ADAM10: variants seen among roughly 807,000 people sequenced by gnomAD.
The protein encoded by ADAM10 is ADAM metallopeptidase domain 10.
A neutral mutation model predicts 90.1 loss-of-function variants in ADAM10; 17 were observed. The ratio of observed to expected loss-of-function variants is 0.19; its 90% CI spans 0.13 to 0.28. The LOEUF (loss-of-function observed/expected upper bound fraction) is 0.28, where lower values mean the gene tolerates loss of function less well. Among genes scored for constraint, ADAM10 ranks in the 10% least tolerant of loss-of-function variants. The probability of loss-of-function intolerance (pLI) is 1.00; values close to 1 mark genes in which losing one functional copy is unlikely to be tolerated. For synonymous variants in ADAM10, 310 were observed against 298.6 expected, an observed-to-expected ratio of 1.04 and a Z score of -0.40; for missense variants, 610 against 914.3, an observed-to-expected ratio of 0.67 and a Z score of 4.29.
In ADAM10 at chr15:58,589,885, AAGG is replaced by A. The variant is rs1415773255; in HGVS notation, c.*7659_*7661del. ...TCCCAGATTGTTGGGCCAATATCCT[AAGG>A]AGAATAACCAAGTATGACACCTGCC... On this transcript the variant is annotated 3_prime_UTR_variant, in exon 16 of 16. Transcript: ENST00000260408. 6.6e-6 allele frequency: 1 copy of A among 152,140 alleles called. No homozygotes were observed. Among genetic ancestry groups the A allele is most frequent in the East Asian group, 1.9e-4 (1 of 5,194 alleles). 9.4% of individuals were successfully genotyped at this position (152,140 alleles called of 1,614,324 possible).
At chr15:58,725,253 A>T (rs1415992443) in intron 1 of ADAM10, among the ~76,000 whole-genome samples, 1 of 151,588 alleles carries the variant, frequency 6.6e-6, no homozygotes, top group Non-Finnish European at 1.5e-5. Context: ...AAAGAAAATT[A>T]GGCATGGTAG....
At chr15:58,634,300 TAAA>T (rs61691654) in intron 8 of ADAM10, among the ~76,000 whole-genome samples, 3 of 135,842 alleles carry the variant, frequency 2.2e-5, no homozygotes, top group Non-Finnish European at 1.6e-5. Flanking sequence ...ACACTCTGTC[TAAA>T]AAAAAAAAAA....
intron 15 of ADAM10, among the ~76,000 whole-genome samples, chr15:58,598,761 T>G (rs184171102): frequency 2.0e-5 from 3 of 152,180 alleles, no homozygotes; most frequent in Admixed American, 6.5e-5. Context: ...ATACGAAGGG[T>G]TTATTTCCTG....
rs1466181993 is a variant in ADAM10, at chr15:58,665,105, C to T, written c.577G>A (p.Val193Ile). Residue 193 changes from valine to isoleucine, a missense_variant, in exon 5 of 16, where the codon GTA becomes ATA. By Grantham distance (29) the Val-to-Ile change is conservative (BLOSUM62 3). Around this residue, in one of 4 missense-constraint regions of ADAM10, gnomAD observed 310 missense variants for 362.4 expected, o/e 0.86. Transcript: ENST00000260408. ...RKYQMTGVEEVTQIPQEEHAA... is the reference protein window; with the variant it reads ...RKYQMTGVEEITQIPQEEHAA... ...AGTGTTAAAATCCTTACCTGTGTTA[C>T]TTCCTCTACACCAGTCATCTGGTAT... is the stretch of plus-strand genomic sequence containing the variant. The T allele has an allele frequency of 1.9e-6, 3 of 1,609,750 alleles. No homozygotes were observed. Among genetic ancestry groups the T allele is most frequent in the South Asian group, 1.1e-5 (1 of 90,988 alleles).
chr15:58,589,094 T>G lies in ADAM10; in HGVS notation c.*8453A>C, dbSNP rs1894773472. 1.3e-5 allele frequency: 2 copies of G among 152,240 alleles called. No individual in the cohort carries two copies. Among genetic ancestry groups the G allele is most frequent in the South Asian group, 4.1e-4 (2 of 4,838 alleles). 9.4% of individuals were successfully genotyped at this position (152,240 alleles called of 1,614,324 possible). A position where few individuals can be genotyped will look rare whatever the true frequency, so the allele number is the denominator to read the frequency against. On this transcript the variant is annotated 3_prime_UTR_variant, in exon 16 of 16. Transcript: ENST00000260408. ...TGTGTTGTAATGAAACTAACTTTTGTGCCTATCTTGTGAAATCAGCTTCAT... is the reference window on the plus strand; with the variant it reads ...TGTGTTGTAATGAAACTAACTTTTGGGCCTATCTTGTGAAATCAGCTTCAT...
chr15:58,656,649 A>G (rs2140715458), intron 5 of ADAM10, among the ~76,000 whole-genome samples: 1 of 152,204 alleles, frequency 6.6e-6, no homozygotes, highest in East Asian at 1.9e-4. Context: ...GTTTCTATTC[A>G]TGCCTTATTG....
At chr15:58,674,269 C>T (rs1289429682) in intron 4 of ADAM10, among the ~76,000 whole-genome samples, 5 of 152,178 alleles carry the variant, frequency 3.3e-5, no homozygotes, top group African/African-American at 1.2e-4. Flanking sequence ...AATACTATCA[C>T]TGTGCTTAAA....
chr15:58,640,692 C>A, intron 8 of ADAM10, 85 bp downstream of exon 8: 1 of 1,305,898 alleles, frequency 7.7e-7, no homozygotes, highest in Non-Finnish European at 1.1e-6. Context: ...ATCACTTTCT[C>A]CTATACTTTG....
intron 1 of ADAM10, chr15:58,748,651 A>G (rs1447521652): frequency 3.0e-6 from 1 of 331,614 alleles, no homozygotes. Flanking sequence ...AAACTCTTCA[A>G]GTTGGGTCAC....
intron 2 of ADAM10, chr15:58,686,409 C>T (rs2140762268): frequency 1.3e-5 from 16 of 1,237,086 alleles, no homozygotes; most frequent in Non-Finnish European, 1.9e-5. Flanking sequence ...AGCGCCGCCA[C>T]CATGTCCTCT....
intron 2 of ADAM10, among the ~76,000 whole-genome samples, chr15:58,687,624 T>C (rs774574055): frequency 4.7e-5 from 7 of 149,798 alleles, no homozygotes; most frequent in Admixed American, 1.3e-4. Context: ...ATCCACAAGT[T>C]ACTCAACTAT....
chr15:58,608,805 G>A (rs756619642), intron 14 of ADAM10, among the ~76,000 whole-genome samples: 2 of 152,108 alleles, frequency 1.3e-5, no homozygotes, highest in African/African-American at 4.8e-5. Context: ...TCTAAATAAT[G>A]TAATGAGTGA....
At chr15:58,659,489 A>G (rs1896917560) in intron 5 of ADAM10, among the ~76,000 whole-genome samples, 1 of 152,048 alleles carries the variant, frequency 6.6e-6, no homozygotes, top group Admixed American at 6.5e-5. Context: ...TTCATCCTTT[A>G]TTATGTTTAT....
intron 2 of ADAM10, among the ~76,000 whole-genome samples, chr15:58,690,516 A>C (rs1897748337): frequency 6.6e-6 from 1 of 152,096 alleles, no homozygotes; most frequent in South Asian, 2.1e-4. Context: ...GAACAAAATA[A>C]ACAACAACAA....
intron 5 of ADAM10, among the ~76,000 whole-genome samples, chr15:58,662,035 G>A (rs906562538): frequency 2.6e-5 from 4 of 152,060 alleles, no homozygotes; most frequent in Non-Finnish European, 4.4e-5. Context: ...GTAATTAACA[G>A]ACGTTGTGTT....
intron 1 of ADAM10, among the ~76,000 whole-genome samples, chr15:58,741,415 C>T (rs1899611235): frequency 1.3e-5 from 2 of 152,192 alleles, no homozygotes; most frequent in African/African-American, 4.8e-5. Context: ...ACCTAAAGCA[C>T]TGCTTCCCAA....
chr15:58,712,624 C>A (rs1259385331), intron 2 of ADAM10, among the ~76,000 whole-genome samples: 1 of 151,646 alleles, frequency 6.6e-6, no homozygotes, highest in Non-Finnish European at 1.5e-5. Context: ...TCAAGACCAT[C>A]CTGGCTCACA....
At chr15:58,610,924 GT>G in intron 13 of ADAM10, 74 bp downstream of exon 13, 1 of 1,176,978 alleles carries the variant, frequency 8.5e-7, no homozygotes, top group South Asian at 1.2e-5. Context: ...GTAGGTCAAA[GT>G]TTTACACTTA....
Position 58,634,353 on chromosome 15 carries a change from G to A in ADAM10, c.1013-994C>T, listed in dbSNP as rs544921459. Among the ~76,000 whole-genome samples, 44 of 150,188 alleles carry A rather than the reference G, an allele frequency of 2.9e-4. 1 individual carries two copies. Among genetic ancestry groups the A allele is most frequent in the African/African-American group, 1.0e-3 (41 of 40,906 alleles). On this transcript the variant is annotated intron_variant, in intron 8 of 15. Coordinates refer to ENST00000260408, the MANE Select transcript of ADAM10 (RefSeq NM_001110.4). Reference sequence around the variant, plus strand: ...ACCATACTATTCTTGCAACCTTTCCGCAGGTTTGAAATCTTCAAAAAAAAA... The same window carrying A: ...ACCATACTATTCTTGCAACCTTTCCACAGGTTTGAAATCTTCAAAAAAAAA...
Sources: gnomAD v4.1 joint callset for allele counts (sites outside exome capture counted in the v4.1 genomes callset) on GRCh38, gnomAD v4.1.1 for gene constraint, gnomAD v4.1.1 regional missense constraint, MANE v1.5 for transcripts, NCBI Gene and HGNC (gene_info 2026-07-23, HGNC 2026-07-21) for gene names.